Variants in EEF1E1 observed in about 807,000 individuals in gnomAD.
The protein encoded by EEF1E1 is eukaryotic translation elongation factor 1 epsilon 1.
EEF1E1 carries 19 observed loss-of-function variants against 19.9 expected under a neutral mutation model. The ratio of observed to expected loss-of-function variants is 0.95; its 90% CI spans 0.66 to 1.40. The LOEUF (loss-of-function observed/expected upper bound fraction) is 1.40, where lower values mean the gene tolerates loss of function less well. EEF1E1 is among the 40% of genes most tolerant of loss of function. The probability of loss-of-function intolerance (pLI) is 0.00; values close to 1 mark genes in which losing one functional copy is unlikely to be tolerated. For synonymous variants in EEF1E1, 81 were observed against 80.0 expected (o/e 1.01, Z -0.07); for missense variants, 198 against 202.2 (o/e 0.98, Z 0.13).
rs1052306040 is a variant in EEF1E1, at chr6:8,090,205, T to C, written c.365A>G (p.Tyr122Cys). The C allele has an allele frequency of 5.2e-6, 8 of 1,526,382 alleles. No individual in the cohort carries two copies. Among genetic ancestry groups the C allele is most frequent in the Middle Eastern group, 1.7e-4 (1 of 5,812 alleles). The allele number at this position is 1,526,382 out of a possible 1,614,324, so 94.6% of individuals were successfully genotyped here. A position where few individuals can be genotyped will look rare whatever the true frequency, so the allele number is the denominator to read the frequency against. The change falls in exon 3 of 4, where the codon TAT becomes TGT. Residue 122 changes from tyrosine to cysteine, a missense_variant. Physicochemically the swap from Tyr to Cys is radical, Grantham distance 194. Coordinates refer to ENST00000379715, the MANE Select transcript of EEF1E1 (RefSeq NM_004280.5). Reference protein sequence around the residue: ...NFTLADILLYYGLHRFIVDLT... With the variant: ...NFTLADILLYCGLHRFIVDLT... ...ACTCACTATAAAGCGATGAAGTCCATAGTACAATAGTATATCTGCTAATGT... is the reference window on the plus strand; with the variant it reads ...ACTCACTATAAAGCGATGAAGTCCACAGTACAATAGTATATCTGCTAATGT...
chr6:8,077,007 G>A (rs1256100826), downstream of EEF1E1, among the ~76,000 whole-genome samples: 34 of 138,778 alleles, frequency 2.4e-4, no homozygotes, highest in African/African-American at 5.3e-5. Context: ...CAGTGGCAGC[G>A]ATCTCGGCTC....
chr6:8,082,365 C>A (rs1274272343), intron 3 of EEF1E1, among the ~76,000 whole-genome samples: 2 of 152,334 alleles, frequency 1.3e-5, no homozygotes, highest in Non-Finnish European at 2.9e-5. Flanking sequence ...GCAACCTCCA[C>A]TTCCTGGGTT....
At chr6:8,085,548 C>T (rs181910354) in intron 3 of EEF1E1, among the ~76,000 whole-genome samples, 1 of 152,254 alleles carries the variant, frequency 6.6e-6, no homozygotes, top group Admixed American at 6.5e-5. Flanking sequence ...CCTCTTTGGT[C>T]TCTTATTTTG....
intron 2 of EEF1E1, among the ~76,000 whole-genome samples, chr6:8,092,857 T>C (rs1257263907): frequency 6.8e-6 from 1 of 147,834 alleles, no homozygotes; most frequent in Non-Finnish European, 1.5e-5. Context: ...TGTGTTTTAG[T>C]GATAAAGACT....
chr6:8,099,072 T>C (rs1758251920), intron 1 of EEF1E1, among the ~76,000 whole-genome samples: 1 of 139,090 alleles, frequency 7.2e-6, no homozygotes, highest in Non-Finnish European at 1.7e-5. Context: ...TAAACGTCCA[T>C]TTTCTTTCCT....
chr6:8,083,230 C>G (rs118138404), intron 3 of EEF1E1, among the ~76,000 whole-genome samples: 1 of 152,200 alleles, frequency 6.6e-6, no homozygotes, highest in African/African-American at 2.4e-5. Flanking sequence ...CAGGGTGACA[C>G]GCTGCTTTGC....
At chr6:8,082,530 C>T (rs1397449859) in intron 3 of EEF1E1, among the ~76,000 whole-genome samples, 3 of 152,194 alleles carry the variant, frequency 2.0e-5, no homozygotes, top group Non-Finnish European at 4.4e-5. Context: ...CCACCAGCCT[C>T]GGTCTCCCAA....
intron 1 of EEF1E1, chr6:8,101,833 C>A (rs1247303272): frequency 7.8e-7 from 1 of 1,289,196 alleles, no homozygotes; most frequent in African/African-American, 1.5e-5. Context: ...TTTAGAAACG[C>A]CTTCCCCGAA....
At chr6:8,093,086 C>A (rs1177388973) in intron 2 of EEF1E1, among the ~76,000 whole-genome samples, 2 of 151,958 alleles carry the variant, frequency 1.3e-5, no homozygotes, top group African/African-American at 4.8e-5. Context: ...GTTGGCCAGG[C>A]TGGTCTCAAA....
chr6:8,086,262 G>A (rs1757850936), intron 3 of EEF1E1, among the ~76,000 whole-genome samples: 1 of 152,146 alleles, frequency 6.6e-6, no homozygotes, highest in Non-Finnish European at 1.5e-5. Flanking sequence ...TGACTGTCAT[G>A]AAGCCCAGGA....
At chr6:8,088,843 C>G (rs568630688) in intron 3 of EEF1E1, among the ~76,000 whole-genome samples, 1 of 151,266 alleles carries the variant, frequency 6.6e-6, no homozygotes, top group Non-Finnish European at 1.5e-5. Context: ...TTTTTCTAGC[C>G]GAATAATGGA....
At chr6:8,092,774 A>G (rs12209171) in intron 2 of EEF1E1, among the ~76,000 whole-genome samples, 29,516 of 151,770 alleles carry the variant, frequency 0.19, 3,298 homozygotes, top group Non-Finnish European at 0.26. Flanking sequence ...TTTAATTTCA[A>G]GAAGTATTTA....
At chr6:8,084,552 C>T (rs1757798381) in intron 3 of EEF1E1, among the ~76,000 whole-genome samples, 1 of 152,190 alleles carries the variant, frequency 6.6e-6, no homozygotes, top group Non-Finnish European at 1.5e-5. Context: ...TAGAAATACT[C>T]TCCTTCTTAA....
Position 8,100,104 on chromosome 6 carries a change from C to A in EEF1E1, c.87+2331G>T, listed in dbSNP as rs553200334. On this transcript the variant is annotated intron_variant, in intron 1 of 3. Coordinates refer to ENST00000379715, the MANE Select transcript of EEF1E1 (RefSeq NM_004280.5). ...ACAAGTAAACAGAAACTTTCACTAGCTGCTAACTGCTAAAATGCTTTAATT... is the reference window on the plus strand; with the variant it reads ...ACAAGTAAACAGAAACTTTCACTAGATGCTAACTGCTAAAATGCTTTAATT... Among the ~76,000 whole-genome samples, 31 of 152,284 alleles carry A rather than the reference C, an allele frequency of 2.0e-4. No homozygotes were observed. In the South Asian group the frequency reaches 4.6e-3, roughly 22 times the overall value.
Position 8,090,192 on chromosome 6 carries a change from G to GTCCATAGTACTCA in EEF1E1, c.377_378insTGAGTACTATGGA (p.Phe127GlufsTer8). ...TAACTATACAAATACTCACTATAAAGCGATGAAGTCCATAGTACAATAGTA... is the reference window on the plus strand; with the variant it reads ...TAACTATACAAATACTCACTATAAAGTCCATAGTACTCACGATGAAGTCCATAGTACAATAGTA... On this transcript the variant is annotated frameshift_variant, in exon 3 of 4. Transcript: ENST00000379715. LOFTEE classifies it high-confidence loss of function. 1 of 1,525,586 alleles carries GTCCATAGTACTCA rather than the reference G, an allele frequency of 6.6e-7. No homozygotes were observed. 94.5% of individuals were successfully genotyped at this position (1,525,586 alleles called of 1,614,324 possible).
At chr6:8,085,401 C>A (rs1757827479) in intron 3 of EEF1E1, among the ~76,000 whole-genome samples, 2 of 152,084 alleles carry the variant, frequency 1.3e-5, no homozygotes, top group East Asian at 1.9e-4. Context: ...TATCTACCTG[C>A]CTCAGCTTCC....
At chr6:8,086,634 C>T (rs765985247) in intron 3 of EEF1E1, among the ~76,000 whole-genome samples, 7 of 152,158 alleles carry the variant, frequency 4.6e-5, no homozygotes, top group Non-Finnish European at 1.0e-4. Flanking sequence ...AAAAACTGAG[C>T]GCCGTGCCTT....
intron 1 of EEF1E1, among the ~76,000 whole-genome samples, chr6:8,101,094 C>T (rs1055602611): frequency 4.7e-5 from 7 of 148,796 alleles, no homozygotes; most frequent in African/African-American, 1.7e-4. Flanking sequence ...AGCGTGGTGG[C>T]GAACACCTGT....
chr6:8,077,186 G>A (rs553830205), downstream of EEF1E1, among the ~76,000 whole-genome samples: 27 of 152,114 alleles, frequency 1.8e-4, no homozygotes, highest in African/African-American at 5.8e-4. Flanking sequence ...CTCGTGATCC[G>A]CCCGCCTTGG....
Sources: gnomAD v4.1 joint callset for allele counts (sites outside exome capture counted in the v4.1 genomes callset) on GRCh38, gnomAD v4.1.1 for gene constraint, MANE v1.5 for transcripts, NCBI Gene and HGNC (gene_info 2026-07-23, HGNC 2026-07-21) for gene names.